The following TXNDC16 variants were observed in gnomAD, a reference collection of about 807,000 sequenced individuals.
The protein encoded by TXNDC16 is thioredoxin domain-containing protein 16.
A neutral mutation model predicts 85.6 loss-of-function variants in TXNDC16; 74 were observed. The ratio of observed to expected loss-of-function variants is 0.86; its 90% CI spans 0.72 to 1.05. TXNDC16 has a LOEUF of 1.05. Ranked by LOEUF, TXNDC16 falls within the 50% of genes least tolerant of loss-of-function variation. The pLI is 0.00. For synonymous variants in TXNDC16, 335 were observed against 326.5 expected (o/e 1.03, Z -0.28); for missense variants, 959 against 947.0 (o/e 1.01, Z -0.17).
At chr14:52,459,050 A>C (rs1414126701) in intron 16 of TXNDC16, among the ~76,000 whole-genome samples, 1 of 152,198 alleles carries the variant, frequency 6.6e-6, no homozygotes, top group Non-Finnish European at 1.5e-5. Flanking sequence ...TGGCAACCTC[A>C]AATACAAGAA....
chr14:52,528,573 A>G (rs888248240), intron 6 of TXNDC16, among the ~76,000 whole-genome samples: 1 of 151,796 alleles, frequency 6.6e-6, no homozygotes, highest in Non-Finnish European at 1.5e-5. Context: ...ATATATATAC[A>G]CAGCTCTTAT....
At chr14:52,484,124 A>T (rs531005729) in intron 12 of TXNDC16, among the ~76,000 whole-genome samples, 86 of 150,630 alleles carry the variant, frequency 5.7e-4, no homozygotes, top group Middle Eastern at 3.4e-3. Context: ...AAAAAGGAAA[A>T]TCCTTATATT....
intron 20 of TXNDC16, among the ~76,000 whole-genome samples, chr14:52,436,612 G>T (rs1245512199): frequency 6.6e-6 from 1 of 152,032 alleles, no homozygotes; most frequent in East Asian, 1.9e-4. Flanking sequence ...TTTTATTTAA[G>T]CATAATATGT....
intron 6 of TXNDC16, among the ~76,000 whole-genome samples, chr14:52,526,983 G>A (rs2037350875): frequency 6.6e-6 from 1 of 152,232 alleles, no homozygotes; most frequent in Non-Finnish European, 1.5e-5. Flanking sequence ...CCAGCGGAGG[G>A]CAGCATGCCA....
In TXNDC16 at chr14:52,432,245, A is replaced by T; in HGVS notation, c.*59T>A. 3 of 1,430,906 alleles carry T rather than the reference A, an allele frequency of 2.1e-6. No homozygotes were observed. In the East Asian group the frequency reaches 7.0e-5, roughly 33 times the overall value. 88.6% of individuals were successfully genotyped at this position (1,430,906 alleles called of 1,614,324 possible). On this transcript the variant is annotated 3_prime_UTR_variant, in exon 21 of 21. Transcript: ENST00000281741. ...TTGAAATGATTTAATATTATTCTTTAAGGAAATAAATTAAGTCTATCATGC... is the reference window on the plus strand; with the variant it reads ...TTGAAATGATTTAATATTATTCTTTTAGGAAATAAATTAAGTCTATCATGC...
intron 16 of TXNDC16, chr14:52,463,082 T>G: frequency 2.3e-6 from 1 of 429,596 alleles, no homozygotes; most frequent in Non-Finnish European, 4.6e-6. Context: ...TCAGTTTCTG[T>G]CTGATTCAGA....
intron 16 of TXNDC16, among the ~76,000 whole-genome samples, chr14:52,457,596 A>G (rs1381400881): frequency 6.6e-6 from 1 of 152,202 alleles, no homozygotes; most frequent in Non-Finnish European, 1.5e-5. Context: ...AAGTATCTAT[A>G]TGCATAAAAA....
intron 12 of TXNDC16, among the ~76,000 whole-genome samples, chr14:52,484,256 A>T (rs2036216464): frequency 6.6e-6 from 1 of 152,078 alleles, no homozygotes; most frequent in South Asian, 2.1e-4. Context: ...GGGGCCAAGT[A>T]ATGGATAACA....
chr14:52,506,605 G>A lies in TXNDC16; in HGVS notation c.756+4635C>T, dbSNP rs1269633751. 8.5e-5 allele frequency among the ~76,000 whole-genome samples: 11 copies of A among 128,804 alleles called. 1 individual carries two copies. Among genetic ancestry groups the A allele is most frequent in the African/African-American group, 1.8e-4 (6 of 32,688 alleles). 84.5% of individuals were successfully genotyped at this position (128,804 alleles called of 152,430 possible). On this transcript the variant is annotated intron_variant, in intron 9 of 20. Coordinates refer to ENST00000281741, the MANE Select transcript of TXNDC16 (RefSeq NM_020784.3). Reference sequence around the variant, plus strand: ...CGCTCTGTCGCCCAGGCCAGACTGCGGACTGCAGTGGCGCAATCTCGGCTC... The same window carrying A: ...CGCTCTGTCGCCCAGGCCAGACTGCAGACTGCAGTGGCGCAATCTCGGCTC...
At position 52,552,465 on chromosome 14, in the gene TXNDC16, C is replaced by T. The variant is rs1052636787; in HGVS notation, c.-331G>A. The T allele has an allele frequency of 6.6e-6, 1 of 152,290 alleles. No individual in the cohort carries two copies. The highest frequency in any genetic ancestry group is 1.5e-5 in the Non-Finnish European group (1 of 68,110). 9.4% of individuals were successfully genotyped at this position (152,290 alleles called of 1,614,324 possible). A position where few individuals can be genotyped will look rare whatever the true frequency, so the allele number is the denominator to read the frequency against. On this transcript the variant is annotated 5_prime_UTR_variant, in exon 1 of 21. Coordinates refer to ENST00000281741, the MANE Select transcript of TXNDC16 (RefSeq NM_020784.3). ...GAACCACTTCGCCAACCTGCAAAGG[C>T]GTAGCACTTCTCCCTCCCAGCCTGC...
chr14:52,496,935 C>T (rs2036546761), intron 9 of TXNDC16, among the ~76,000 whole-genome samples: 1 of 151,816 alleles, frequency 6.6e-6, no homozygotes, highest in South Asian at 2.1e-4. Flanking sequence ...TAATCCATTC[C>T]ATTTGACAAA....
chr14:52,548,138 C>T (rs564458530), intron 1 of TXNDC16, among the ~76,000 whole-genome samples: 1 of 152,346 alleles, frequency 6.6e-6, no homozygotes, highest in African/African-American at 2.4e-5. Context: ...TAGGGGAAAG[C>T]TCCCAACTGA....
At chr14:52,528,857 A>T (rs552721542) in intron 6 of TXNDC16, among the ~76,000 whole-genome samples, 87 of 134,880 alleles carry the variant, frequency 6.5e-4, no homozygotes, top group Non-Finnish European at 1.3e-3. Context: ...GTGTGTGTGT[A>T]TATATATAAT....
At chr14:52,464,569 G>A (rs1200444014) in intron 16 of TXNDC16, among the ~76,000 whole-genome samples, 1 of 152,112 alleles carries the variant, frequency 6.6e-6, no homozygotes, top group East Asian at 1.9e-4. Context: ...AGGGAAGGAA[G>A]GTGGAGGAGT....
intron 20 of TXNDC16, 36 bp from the exon 21 acceptor site, chr14:52,432,623 C>A: frequency 6.5e-7 from 1 of 1,549,826 alleles, no homozygotes; most frequent in Non-Finnish European, 8.7e-7. Flanking sequence ...TAAAGATTAA[C>A]AGCTATAAAT....
chr14:52,460,379 C>A (rs1158888763), intron 16 of TXNDC16, among the ~76,000 whole-genome samples: 1 of 152,106 alleles, frequency 6.6e-6, no homozygotes, highest in African/African-American at 2.4e-5. Flanking sequence ...CAATGCTATT[C>A]CTATCAAACT....
At chr14:52,537,246 T>C (rs935830506) in intron 5 of TXNDC16, among the ~76,000 whole-genome samples, 3 of 152,146 alleles carry the variant, frequency 2.0e-5, no homozygotes, top group Non-Finnish European at 2.9e-5. Context: ...TGCAGAGAGA[T>C]TGGCAGATCT....
intron 1 of TXNDC16, among the ~76,000 whole-genome samples, chr14:52,549,827 C>T (rs1243739261): frequency 2.0e-5 from 3 of 152,084 alleles, no homozygotes; most frequent in East Asian, 1.9e-4. Context: ...TTAGTAGAGA[C>T]GGGGTTTCAC....
At chr14:52,502,986 C>G (rs2036698451) in intron 9 of TXNDC16, among the ~76,000 whole-genome samples, 1 of 152,196 alleles carries the variant, frequency 6.6e-6, no homozygotes, top group Admixed American at 6.5e-5. Flanking sequence ...ATTGCTAGCA[C>G]AGCAGTCTGA....
Sources: gnomAD v4.1 joint callset for allele counts (sites outside exome capture counted in the v4.1 genomes callset) on GRCh38, gnomAD v4.1.1 for gene constraint, MANE v1.5 for transcripts, NCBI Gene and HGNC (gene_info 2026-07-23, HGNC 2026-07-21) for gene names.